Variants in BCOR observed in about 807,000 individuals in gnomAD.
BCOR encodes BCL6 corepressor, also known as BCL-6 corepressor.
BCOR carries 10 observed loss-of-function variants against 86.7 expected under a neutral mutation model. The ratio of observed to expected loss-of-function variants is 0.12; its 90% CI spans 0.07 to 0.20. The LOEUF (loss-of-function observed/expected upper bound fraction) is 0.20, where lower values mean the gene tolerates loss of function less well. BCOR is among the 10% of genes least tolerant of loss of function. BCOR has a pLI of 1.00. For synonymous variants in BCOR, 611 were observed against 609.0 expected, an observed-to-expected ratio of 1.00 and a Z score of -0.05; for missense variants, 1,259 against 1,452.1, an observed-to-expected ratio of 0.87 and a Z score of 2.16.
upstream of BCOR, among the ~76,000 whole-genome samples, chrX:40,099,102 C>T (rs1377037820): frequency 8.8e-6 from 1 of 113,219 alleles, no homozygotes; most frequent in Non-Finnish European, 1.9e-5. Context: ...CACTCGGTAA[C>T]GTCGTGCTGA....
At chrX:40,159,513 A>ATT (rs766699292) in intron 1 of BCOR, among the ~76,000 whole-genome samples, 1 of 107,156 alleles carries the variant, frequency 9.3e-6, no homozygotes. Flanking sequence ...CGCCCGGCTA[A>ATT]TTTTTTTTTT....
chrX:40,107,519 G>A (rs1937213858), intron 1 of BCOR, among the ~76,000 whole-genome samples: 1 of 113,405 alleles, frequency 8.8e-6, no homozygotes. Flanking sequence ...GCGAGGCGTC[G>A]CCGTGTCCTC....
chrX:40,079,302 T>C (rs1003953983), intron 1 of BCOR, among the ~76,000 whole-genome samples: 21 of 112,559 alleles, frequency 1.9e-4, no homozygotes, highest in African/African-American at 6.5e-4. Flanking sequence ...TGCTTGCTTT[T>C]ACACTTTAGC....
chrX:40,075,537 T>C (rs1935766348), intron 3 of BCOR, among the ~76,000 whole-genome samples: 1 of 111,537 alleles, frequency 9.0e-6, no homozygotes, highest in Non-Finnish European at 1.9e-5. Flanking sequence ...GCGGGCAGAT[T>C]GCCTGAGCTC....
intron 1 of BCOR, among the ~76,000 whole-genome samples, chrX:40,087,075 C>T (rs192857985): frequency 6.2e-5 from 7 of 113,387 alleles, no homozygotes; most frequent in African/African-American, 2.2e-4. Flanking sequence ...TGTGGAGACT[C>T]GCAGGGTTGG....
chrX:40,161,803 G>A (rs760323099), intron 1 of BCOR, among the ~76,000 whole-genome samples: 1 of 112,029 alleles, frequency 8.9e-6, no homozygotes, highest in Non-Finnish European at 1.9e-5. Context: ...ATGAGCCACC[G>A]CGCCTAGCCC....
chrX:40,113,556 C>G (rs1937345815), intron 1 of BCOR, among the ~76,000 whole-genome samples: 1 of 111,519 alleles, frequency 9.0e-6, no homozygotes, highest in African/African-American at 3.3e-5. Flanking sequence ...GCTATCAGCT[C>G]CTGAATAGGC....
At chrX:40,134,111 C>G (rs1017136318) in intron 1 of BCOR, among the ~76,000 whole-genome samples, 18 of 106,400 alleles carry the variant, frequency 1.7e-4, no homozygotes, top group African/African-American at 6.2e-4. Context: ...TCACTCCAGG[C>G]AGGGGGCTCA....
chrX:40,133,432 G>A (rs1156314390), intron 1 of BCOR, among the ~76,000 whole-genome samples: 3 of 103,881 alleles, frequency 2.9e-5, no homozygotes, highest in Non-Finnish European at 3.9e-5. Flanking sequence ...CACCGCCCCC[G>A]GCCATCTACT....
rs1216687698 is a variant in BCOR, at chrX:40,077,963, G to A, written c.-34C>T. On this transcript the variant is annotated 5_prime_UTR_variant, in exon 2 of 15. It adds an upstream start codon to the 5' untranslated region. Transcript: ENST00000378444. ...CTGGGATGGCAGCTTTGCTTCAAGC[G>A]TCTAGTCTGTTAAAAGGAAAGAAAA... The A allele has an allele frequency of 6.2e-6, 7 of 1,131,286 alleles. No homozygotes were observed. Among genetic ancestry groups the A allele is most frequent in the Non-Finnish European group, 8.5e-6 (7 of 821,806 alleles). The allele number at this position is 1,131,286 out of a possible 1,213,427, so 93.2% of individuals were successfully genotyped here.
At chrX:40,059,776 G>A (rs1170328101) in intron 10 of BCOR, among the ~76,000 whole-genome samples, 5 of 112,898 alleles carry the variant, frequency 4.4e-5, no homozygotes, top group African/African-American at 1.3e-4. Context: ...CCATAAACCC[G>A]ACATTGTTAA....
At chrX:40,167,706 A>G (rs1394639035) in intron 1 of BCOR, among the ~76,000 whole-genome samples, 4 of 111,810 alleles carry the variant, frequency 3.6e-5, no homozygotes, top group East Asian at 2.8e-4. Context: ...TGGCATTTCT[A>G]TAAGAGCTGG....
chrX:40,173,901 GC>G (rs999396190), intron 1 of BCOR, among the ~76,000 whole-genome samples: 2 of 113,157 alleles, frequency 1.8e-5, no homozygotes, highest in African/African-American at 6.4e-5. Flanking sequence ...TTGTCCCTGG[GC>G]CGCTGGCGGG....
At chrX:40,070,214 T>TA (rs1295480396) in intron 6 of BCOR, among the ~76,000 whole-genome samples, 2 of 111,765 alleles carry the variant, frequency 1.8e-5, no homozygotes, top group Non-Finnish European at 3.8e-5. Flanking sequence ...TAATTCCCCT[T>TA]CGCCCAGTGA....
chrX:40,080,617 T>G (rs1217781799), intron 1 of BCOR, among the ~76,000 whole-genome samples: 7 of 111,405 alleles, frequency 6.3e-5, no homozygotes, highest in African/African-American at 2.3e-4. Context: ...CCACCTGGAC[T>G]TAGCAGAAAG....
intron 1 of BCOR, among the ~76,000 whole-genome samples, chrX:40,151,359 C>G (rs780720299): frequency 8.9e-6 from 1 of 112,603 alleles, no homozygotes; most frequent in Non-Finnish European, 1.9e-5. Flanking sequence ...CTGGAATGAA[C>G]AGAAGTCGCC....
rs1458484661 is a variant in BCOR, at chrX:40,097,740, G to T, written c.-566C>A. Among the ~76,000 whole-genome samples the T allele has an allele frequency of 9.0e-6, 1 of 110,993 alleles. No homozygotes were observed. The highest frequency in any genetic ancestry group is 1.9e-5 in the Non-Finnish European group (1 of 52,491). ...GGGCTGGGTGTGTGTGAGTGTGTGT[G>T]AGTGTTGGCCAAGTCGTCCCTGCGC... On this transcript the variant is annotated 5_prime_UTR_variant, in exon 1 of 15. Coordinates refer to ENST00000378444, the MANE Select transcript of BCOR (RefSeq NM_001123385.2).
At chrX:40,085,450 TAA>T (rs1936315130) in intron 1 of BCOR, among the ~76,000 whole-genome samples, 1 of 111,357 alleles carries the variant, frequency 9.0e-6, no homozygotes, top group Non-Finnish European at 1.9e-5. Context: ...GCACACGTCA[TAA>T]AAAGAGACCA....
chrX:40,145,391 G>A (rs1281868717), intron 1 of BCOR, among the ~76,000 whole-genome samples: 1 of 111,864 alleles, frequency 8.9e-6, no homozygotes, highest in Non-Finnish European at 1.9e-5. Context: ...ACACCCTGTG[G>A]TGGGCCCATT....
Sources: allele counts gnomAD v4.1 joint callset (sites outside exome capture counted in the v4.1 genomes callset), GRCh38; gene constraint gnomAD v4.1.1; transcripts MANE v1.5; gene names NCBI Gene and HGNC (gene_info 2026-07-23, HGNC 2026-07-21).